MYO10: variants seen among roughly 807,000 people sequenced by gnomAD.
MYO10 encodes myosin X.
Under a neutral mutation model 257.3 loss-of-function variants are expected in MYO10, and 133 were observed. The observed-to-expected ratio is 0.52, with a 90% CI of 0.45 to 0.60. The LOEUF is 0.60. Ranked by LOEUF, MYO10 falls within the 20% of genes least tolerant of loss-of-function variation. The probability of loss-of-function intolerance (pLI) is 0.00; values close to 1 mark genes in which losing one functional copy is unlikely to be tolerated. For synonymous variants in MYO10, 1,104 were observed against 1,028.6 expected, an observed-to-expected ratio of 1.07 and a Z score of -1.40; for missense variants, 2,399 against 2,635.7, an observed-to-expected ratio of 0.91 and a Z score of 1.97.
intron 2 of MYO10, among the ~76,000 whole-genome samples, chr5:16,873,536 C>A (rs2560855): frequency 6.6e-6 from 1 of 152,198 alleles, no homozygotes; most frequent in Non-Finnish European, 1.5e-5. Flanking sequence ...ACCCCAGTAG[C>A]GACTCTGTGT....
chr5:16,830,331 C>T (rs1255924754), intron 2 of MYO10, among the ~76,000 whole-genome samples: 1 of 151,928 alleles, frequency 6.6e-6, no homozygotes, highest in Non-Finnish European at 1.5e-5. Context: ...TCCTTTAAAT[C>T]CTCAACTACA....
At chr5:16,815,162 C>CAAA (rs35892466) in intron 3 of MYO10, 83 of 286,700 alleles carry the variant, frequency 2.9e-4, no homozygotes, top group East Asian at 4.3e-4. Flanking sequence ...GACACTATTA[C>CAAA]AAAAAAAAAC....
intron 19 of MYO10, among the ~76,000 whole-genome samples, chr5:16,754,030 T>C (rs895302667): frequency 6.6e-6 from 1 of 152,074 alleles, no homozygotes; most frequent in Non-Finnish European, 1.5e-5. Flanking sequence ...TACAATTAAA[T>C]TACATAAAAA....
chr5:16,921,169 A>G (rs1431651467), intron 1 of MYO10, among the ~76,000 whole-genome samples: 1 of 147,826 alleles, frequency 6.8e-6, no homozygotes, highest in Non-Finnish European at 1.5e-5. Flanking sequence ...GTATACCAGA[A>G]TAACACCATC....
chr5:16,667,049 C>G (rs1275600838), intron 40 of MYO10, among the ~76,000 whole-genome samples: 1 of 152,222 alleles, frequency 6.6e-6, no homozygotes, highest in East Asian at 1.9e-4. Context: ...TGGAAACTGT[C>G]AGACTTTGCA....
At chr5:16,884,970 CTG>C (rs932742124) in intron 1 of MYO10, among the ~76,000 whole-genome samples, 5 of 152,128 alleles carry the variant, frequency 3.3e-5, no homozygotes, top group African/African-American at 4.8e-5. Context: ...AAAGCAGACT[CTG>C]TTGTCTAAAT....
chr5:16,918,360 A>C (rs552382721), intron 1 of MYO10, among the ~76,000 whole-genome samples: 41 of 152,250 alleles, frequency 2.7e-4, no homozygotes, highest in Middle Eastern at 6.8e-3. Flanking sequence ...ACTTTCCCTC[A>C]ATATTGCTTC....
chr5:16,824,020 G>A (rs1469699372), intron 2 of MYO10, among the ~76,000 whole-genome samples: 1 of 152,016 alleles, frequency 6.6e-6, no homozygotes, highest in Admixed American at 6.6e-5. Context: ...ACAAACCGCT[G>A]GTAACATGGT....
chr5:16,675,545 C>T (rs1421339818), intron 34 of MYO10, among the ~76,000 whole-genome samples: 5 of 152,072 alleles, frequency 3.3e-5, no homozygotes, highest in Admixed American at 1.3e-4. Flanking sequence ...CAAGACCAGC[C>T]TGGGCAATAT....
At chr5:16,679,836 G>C in intron 33 of MYO10, 111 bp downstream of exon 33, 1 of 1,409,368 alleles carries the variant, frequency 7.1e-7, no homozygotes, top group African/African-American at 1.4e-5. Context: ...CCAAGCACTA[G>C]TTTTGATTAC....
chr5:16,776,122 C>A (rs1176400438), intron 9 of MYO10, among the ~76,000 whole-genome samples: 1 of 151,828 alleles, frequency 6.6e-6, no homozygotes, highest in African/African-American at 2.4e-5. Context: ...GTCTTGAACT[C>A]CTGTGCTCAA....
At chr5:16,879,701 A>C (rs1035591601) in intron 1 of MYO10, among the ~76,000 whole-genome samples, 4 of 152,160 alleles carry the variant, frequency 2.6e-5, no homozygotes, top group African/African-American at 7.2e-5. Flanking sequence ...AAATAAATCA[A>C]AGGCACTCAT....
At chr5:16,900,147 T>C (rs572071362) in intron 1 of MYO10, among the ~76,000 whole-genome samples, 1 of 152,260 alleles carries the variant, frequency 6.6e-6, no homozygotes, top group African/African-American at 2.4e-5. Flanking sequence ...AACAGCAATG[T>C]TTTCTAAATT....
At position 16,824,791 on chromosome 5, in the gene MYO10, C is replaced by T. The variant is rs112054942; in HGVS notation, c.121-6624G>A. Reference sequence around the variant, plus strand: ...CTGAGGCAGGAGAATCGCTTGAACCCGGGAGGCGGAGGTTGCAGTGAGCCA... The same window carrying T: ...CTGAGGCAGGAGAATCGCTTGAACCTGGGAGGCGGAGGTTGCAGTGAGCCA... On this transcript the variant is annotated intron_variant, in intron 2 of 40. Transcript: ENST00000513610. Among the ~76,000 whole-genome samples the T allele has an allele frequency of 1.9e-3, 291 of 152,124 alleles. 5 individuals carry two copies. Among genetic ancestry groups the T allele is most frequent in the Middle Eastern group, 6.8e-3 (2 of 294 alleles).
rs376911322 is a variant in MYO10, at chr5:16,848,019, GA to G, written c.120+29589del. On this transcript the variant is annotated intron_variant, in intron 2 of 40. Transcript: ENST00000513610. ...TAACATTGGTAATAAGAACCCAAAT[GA>G]AAACAGCAACCACAAAAAAGGAAGC... is the stretch of plus-strand genomic sequence containing the variant. 4.0e-3 allele frequency among the ~76,000 whole-genome samples: 616 copies of G among 152,236 alleles called. 5 individuals carry two copies. The highest frequency in any genetic ancestry group is 0.014 in the African/African-American group (583 of 41,550).
At chr5:16,705,022 C>T (rs1035618121) in intron 21 of MYO10, among the ~76,000 whole-genome samples, 5 of 152,052 alleles carry the variant, frequency 3.3e-5, no homozygotes, top group African/African-American at 7.3e-5. Context: ...TGGGCTGGGA[C>T]GAATAGTTCA....
chr5:16,741,854 T>A, intron 19 of MYO10: 1 of 985,458 alleles, frequency 1.0e-6, no homozygotes, highest in Non-Finnish European at 1.2e-6. Flanking sequence ...AATAGCTGCA[T>A]CTTTAGCAGT....
chr5:16,679,524 GTTTTT>G (rs33919452), intron 33 of MYO10, among the ~76,000 whole-genome samples: 1 of 122,670 alleles, frequency 8.2e-6, no homozygotes. Context: ...TTTTTTGGGT[GTTTTT>G]TTTTTTTTTT....
intron 9 of MYO10, among the ~76,000 whole-genome samples, chr5:16,774,643 G>A (rs1027333499): frequency 2.6e-5 from 4 of 152,090 alleles, no homozygotes; most frequent in Non-Finnish European, 2.9e-5. Flanking sequence ...GGATGGTCTC[G>A]ATCTCCTGAC....
Sources: gnomAD v4.1 joint callset for allele counts (sites outside exome capture counted in the v4.1 genomes callset) on GRCh38, gnomAD v4.1.1 for gene constraint, MANE v1.5 for transcripts, NCBI Gene and HGNC (gene_info 2026-07-23, HGNC 2026-07-21) for gene names.